The following TSHR variants were observed in gnomAD, a reference collection of about 807,000 sequenced individuals.
TSHR encodes thyroid stimulating hormone receptor.
Under a neutral mutation model 64.1 loss-of-function variants are expected in TSHR, and 51 were observed. The observed-to-expected ratio is 0.80, with a 90% CI of 0.64 to 1.01. The LOEUF (loss-of-function observed/expected upper bound fraction) is 1.01. Among genes scored for constraint, TSHR ranks in the 50% least tolerant of loss-of-function variants. TSHR has a pLI of 0.00. For synonymous variants in TSHR, 361 were observed against 361.9 expected (o/e 1.00, Z 0.03); for missense variants, 877 against 942.8 (o/e 0.93, Z 0.91).
At chr14:81,105,966 T>TC (rs1263041383) in intron 7 of TSHR, among the ~76,000 whole-genome samples, 8 of 151,810 alleles carry the variant, frequency 5.3e-5, no homozygotes, top group Non-Finnish European at 7.4e-5. Flanking sequence ...GTTTTTTTTT[T>TC]TCAAGGTGGA....
At chr14:81,142,885 C>T (rs2140108405) in intron 9 of TSHR, 55 bp from the exon 10 acceptor site, 2 of 1,527,298 alleles carry the variant, frequency 1.3e-6, no homozygotes, top group Non-Finnish European at 1.8e-6. Context: ...GCTGGGATTA[C>T]AGTCATGAGC....
chr14:80,991,758 C>A, intron 1 of TSHR: 1 of 390,784 alleles, frequency 2.6e-6, no homozygotes, highest in South Asian at 1.4e-4. Context: ...TCCTGCAGAC[C>A]AAAACCTGCT....
intron 1 of TSHR, chr14:80,994,821 CA>C (rs1412170639): frequency 6.6e-6 from 1 of 152,136 alleles, no homozygotes; most frequent in African/African-American, 2.4e-5. Context: ...TAGGCACGGG[CA>C]AAGATTTCAT....
chr14:81,028,657 C>T (rs1884197465), intron 1 of TSHR, among the ~76,000 whole-genome samples: 1 of 151,964 alleles, frequency 6.6e-6, no homozygotes, highest in South Asian at 2.1e-4. Flanking sequence ...GGAAATCCTA[C>T]CAGGAAATAC....
At chr14:81,018,339 G>A (rs761434348) in intron 1 of TSHR, among the ~76,000 whole-genome samples, 10 of 152,150 alleles carry the variant, frequency 6.6e-5, no homozygotes, top group Non-Finnish European at 1.5e-4. Flanking sequence ...GTATATCTGA[G>A]AATTTTAGTT....
intron 7 of TSHR, among the ~76,000 whole-genome samples, chr14:81,107,983 A>G (rs1305900328): frequency 1.3e-5 from 2 of 152,160 alleles, no homozygotes; most frequent in African/African-American, 2.4e-5. Context: ...ATTTAAGCCT[A>G]GTCTTCAAAG....
intron 2 of TSHR, among the ~76,000 whole-genome samples, chr14:81,064,636 T>C (rs1488721591): frequency 6.6e-6 from 1 of 151,874 alleles, no homozygotes; most frequent in Non-Finnish European, 1.5e-5. Context: ...AAAAACACAA[T>C]AAATAAGTAA....
At chr14:80,998,156 TTC>T (rs1889121856) in intron 1 of TSHR, among the ~76,000 whole-genome samples, 1 of 152,164 alleles carries the variant, frequency 6.6e-6, no homozygotes, top group South Asian at 2.1e-4. Flanking sequence ...CAAAAAAAAT[TTC>T]TTTCTGAAAT....
At chr14:80,986,463 G>A (rs1888451580) in intron 1 of TSHR, among the ~76,000 whole-genome samples, 1 of 145,782 alleles carries the variant, frequency 6.9e-6, no homozygotes, top group South Asian at 2.1e-4. Flanking sequence ...TCCTCATTCT[G>A]TCATTCTTTT....
At chr14:80,969,433 A>C (rs938232332) in intron 1 of TSHR, among the ~76,000 whole-genome samples, 2 of 152,226 alleles carry the variant, frequency 1.3e-5, no homozygotes, top group African/African-American at 4.8e-5. Flanking sequence ...CAAAGTAATC[A>C]TGAGGTTTTA....
At chr14:81,127,407 T>G (rs1891060451) in intron 8 of TSHR, among the ~76,000 whole-genome samples, 1 of 152,178 alleles carries the variant, frequency 6.6e-6, no homozygotes, top group Non-Finnish European at 1.5e-5. Flanking sequence ...CTGACCCTTT[T>G]GCCAGTATGA....
chr14:81,022,281 C>T (rs1479529276), intron 1 of TSHR, among the ~76,000 whole-genome samples: 5 of 151,710 alleles, frequency 3.3e-5, no homozygotes, highest in African/African-American at 9.7e-5. Context: ...AAAACAAAAA[C>T]AAAACAAACA....
chr14:81,054,478 AG>A lies in TSHR; in HGVS notation c.171-7667del, dbSNP rs1885633049. 2.0e-5 allele frequency among the ~76,000 whole-genome samples: 3 copies of A among 152,180 alleles called. No homozygotes were observed. In the South Asian group the frequency reaches 6.2e-4, roughly 31 times the overall value. On this transcript the variant is annotated intron_variant, in intron 1 of 9. Transcript: ENST00000298171. ...ACAGGCAGAGGCTAGAGCAGTTTCGAGGGCTCAGAAGAAAACAGGAAAATGT... is the reference window on the plus strand; with the variant it reads ...ACAGGCAGAGGCTAGAGCAGTTTCGAGGCTCAGAAGAAAACAGGAAAATGT...
At chr14:81,031,706 G>A (rs1253009825) in intron 1 of TSHR, among the ~76,000 whole-genome samples, 1 of 152,162 alleles carries the variant, frequency 6.6e-6, no homozygotes. Context: ...CTGGCACTTT[G>A]CCCACAGGGA....
chr14:80,990,194 G>T (rs1888656175), intron 1 of TSHR, among the ~76,000 whole-genome samples: 1 of 152,212 alleles, frequency 6.6e-6, no homozygotes, highest in Admixed American at 6.5e-5. Context: ...GAAAGAAAAG[G>T]CAGGAAGGGC....
intron 1 of TSHR, among the ~76,000 whole-genome samples, chr14:80,977,446 G>T (rs1452570003): frequency 6.6e-6 from 1 of 152,124 alleles, no homozygotes; most frequent in East Asian, 1.9e-4. Flanking sequence ...GCTCACAAGG[G>T]GCAGTTTAGA....
At chr14:81,131,764 C>T (rs1209740153) in intron 8 of TSHR, among the ~76,000 whole-genome samples, 2 of 152,164 alleles carry the variant, frequency 1.3e-5, no homozygotes, top group African/African-American at 4.8e-5. Flanking sequence ...GTGACCCACT[C>T]CTGGTCTCTG....
chr14:81,069,798 G>A (rs1310849826), intron 3 of TSHR, among the ~76,000 whole-genome samples: 1 of 151,916 alleles, frequency 6.6e-6, no homozygotes, highest in Non-Finnish European at 1.5e-5. Flanking sequence ...AGTTTGTGGG[G>A]CAAAAAAATC....
At chr14:80,970,405 T>C (rs1887532751) in intron 1 of TSHR, among the ~76,000 whole-genome samples, 3 of 152,222 alleles carry the variant, frequency 2.0e-5, no homozygotes, top group Admixed American at 2.0e-4. Flanking sequence ...ATTGAAGAGA[T>C]CTCAGTCTCT....
Sources: allele counts gnomAD v4.1 joint callset (sites outside exome capture counted in the v4.1 genomes callset), GRCh38; gene constraint gnomAD v4.1.1; transcripts MANE v1.5; gene names NCBI Gene and HGNC (gene_info 2026-07-23, HGNC 2026-07-21).